CLDN14: variants seen among roughly 807,000 people sequenced by gnomAD.
CLDN14 encodes claudin-14.
CLDN14 carries 2 observed loss-of-function variants against 2.1 expected under a neutral mutation model. The ratio of observed to expected loss-of-function variants is 0.96; its 90% CI spans 0.39 to 3.01. CLDN14 has a LOEUF of 3.01. Ranked by LOEUF, CLDN14 falls within the 30% of genes most tolerant of loss-of-function variation. CLDN14 has a pLI of 0.09. For synonymous variants in CLDN14, 136 were observed against 154.4 expected (o/e 0.88, Z 0.88); for missense variants, 298 against 328.0 (o/e 0.91, Z 0.71).
chr21:36,461,309 G>T lies in CLDN14; in HGVS notation c.387C>A (p.Gly129=). The T allele has an allele frequency of 6.2e-7, 1 of 1,613,664 alleles. No individual in the cohort carries two copies. Among genetic ancestry groups the T allele is most frequent in the Non-Finnish European group, 8.5e-7 (1 of 1,180,002 alleles). The part of the protein sequence containing the change: ...ILGGTLFILA[G]LLCMVAVSWT... ...AGGAGACGGCCACCATGCACAGGAG[G>T]CCGGCCAGGATGAAGAGGGTGCCGC... is the stretch of plus-strand genomic sequence containing the variant. The change falls in exon 2 of 2, where the codon GGC becomes GGA. Residue 129 remains glycine, a synonymous_variant. Transcript: ENST00000399135.
upstream of CLDN14, chr21:36,480,933 G>C (rs2086839354): frequency 6.6e-6 from 1 of 152,222 alleles, no homozygotes; most frequent in African/African-American, 2.4e-5. Context: ...CCCTGGCAAT[G>C]GGACGGTGAA....
In CLDN14 at chr21:36,495,024, C is replaced by G. The variant is rs9974115; in HGVS notation, c.-82+15339G>C. 2.0e-5 allele frequency among the ~76,000 whole-genome samples: 3 copies of G among 152,126 alleles called. No individual in the cohort carries two copies. In the East Asian group the frequency reaches 5.8e-4, roughly 29 times the overall value. On this transcript the variant is annotated intron_variant, in intron 2 of 2. Transcript: ENST00000342108. ...TCCCTGGGTGGAGGAACAAATCCCC[C>G]CACACAGAAAGGGGAACCAGAGGCC...
chr21:36,509,315 A>C (rs1450029444), intron 2 of CLDN14, among the ~76,000 whole-genome samples: 1 of 152,230 alleles, frequency 6.6e-6, no homozygotes, highest in African/African-American at 2.4e-5. Flanking sequence ...AATGGAAAGC[A>C]GGAGTGGCTC....
At chr21:36,515,789 C>CTTTTTTTTTTTTTTT (rs1555850517) in intron 1 of CLDN14, among the ~76,000 whole-genome samples, 5 of 115,314 alleles carry the variant, frequency 4.3e-5, no homozygotes, top group African/African-American at 1.4e-4. Context: ...TTTATCTTCT[C>CTTTTTTTTTTTTTTT]TTTTTTTTTT....
chr21:36,548,831 A>T (rs1202531135), intron 1 of CLDN14, among the ~76,000 whole-genome samples: 2 of 152,158 alleles, frequency 1.3e-5, no homozygotes, highest in Non-Finnish European at 2.9e-5. Flanking sequence ...ACACTGACCC[A>T]TGAGAAAGGG....
At chr21:36,477,831 C>A (rs997570037) in intron 1 of CLDN14, among the ~76,000 whole-genome samples, 3 of 152,182 alleles carry the variant, frequency 2.0e-5, no homozygotes, top group Non-Finnish European at 4.4e-5. Context: ...TGTTGGTCAC[C>A]CGGTGAAAAG....
chr21:36,485,149 C>T (rs531969300), intron 2 of CLDN14, among the ~76,000 whole-genome samples: 2 of 151,592 alleles, frequency 1.3e-5, no homozygotes, highest in East Asian at 3.8e-4. Flanking sequence ...CACCCACTGA[C>T]AGCCATATGT....
chr21:36,477,833 G>A (rs886578378), intron 1 of CLDN14, among the ~76,000 whole-genome samples: 2 of 152,194 alleles, frequency 1.3e-5, no homozygotes, highest in Admixed American at 6.5e-5. Context: ...TTGGTCACCC[G>A]GTGAAAAGTC....
At chr21:36,554,747 A>C (rs1245908013) in intron 1 of CLDN14, among the ~76,000 whole-genome samples, 2 of 152,136 alleles carry the variant, frequency 1.3e-5, no homozygotes, top group African/African-American at 4.8e-5. Context: ...TGATAGTTAA[A>C]GTTCCCTGAG....
In CLDN14 at chr21:36,544,550, T is replaced by C. The variant is rs2087514336; in HGVS notation, c.-220+31861A>G. Among the ~76,000 whole-genome samples, 1 of 152,218 alleles carries C rather than the reference T, an allele frequency of 6.6e-6. No individual in the cohort carries two copies. Among genetic ancestry groups the C allele is most frequent in the Admixed American group, 6.5e-5 (1 of 15,278 alleles). The stretch of plus-strand genomic sequence containing the variant: ...TTGAGGCTGGGGAGAATTTGAATTT[T>C]CCTGTGCACTAACCACAGGCATCCC... On this transcript the variant is annotated intron_variant, in intron 1 of 2. Coordinates refer to the CLDN14 transcript ENST00000342108. This position sits in a 1 kb window ranked among gnomAD's most constrained non-coding sequence, Gnocchi z 4.1.
chr21:36,489,482 T>A (rs942533217), intron 2 of CLDN14, among the ~76,000 whole-genome samples: 6 of 152,138 alleles, frequency 3.9e-5, no homozygotes, highest in Non-Finnish European at 7.4e-5. Context: ...CTTCCTGCAG[T>A]GTCCTCTTCT....
At chr21:36,502,586 A>G (rs1256053714) in intron 2 of CLDN14, among the ~76,000 whole-genome samples, 1 of 152,252 alleles carries the variant, frequency 6.6e-6, no homozygotes, top group African/African-American at 2.4e-5. Context: ...CTTCATCAGC[A>G]TTCCTGATCT....
At chr21:36,504,404 T>C (rs2087114362) in intron 2 of CLDN14, among the ~76,000 whole-genome samples, 1 of 152,160 alleles carries the variant, frequency 6.6e-6, no homozygotes, top group African/African-American at 2.4e-5. Flanking sequence ...CCAACTGTTA[T>C]ACCATTAACT....
chr21:36,486,475 A>G (rs2086897387), intron 2 of CLDN14: 1 of 1,547,266 alleles, frequency 6.5e-7, no homozygotes. Context: ...CAGCACTGGG[A>G]TCTACTCCAA....
intron 1 of CLDN14, among the ~76,000 whole-genome samples, chr21:36,541,297 A>G (rs950304153): frequency 3.9e-5 from 6 of 152,240 alleles, no homozygotes; most frequent in African/African-American, 1.4e-4. Flanking sequence ...ATATTTTTAA[A>G]GATGATTTGA....
upstream of CLDN14, among the ~76,000 whole-genome samples, chr21:36,484,855 G>A (rs2086879281): frequency 6.6e-6 from 1 of 152,142 alleles, no homozygotes; most frequent in Non-Finnish European, 1.5e-5. Context: ...TGGGATTACA[G>A]GCATGCACCG....
At chr21:36,518,607 A>AAACAAACC (rs1357059319) in intron 1 of CLDN14, among the ~76,000 whole-genome samples, 1 of 152,024 alleles carries the variant, frequency 6.6e-6, no homozygotes, top group Non-Finnish European at 1.5e-5. Flanking sequence ...TCAAACAAAC[A>AAACAAACC]AACAAACAAA....
At chr21:36,550,585 G>C (rs416875) in intron 1 of CLDN14, among the ~76,000 whole-genome samples, 111,848 of 151,656 alleles carry the variant, frequency 0.74, 42,646 homozygotes, top group Non-Finnish European at 0.85. Context: ...GCATCAGCCC[G>C]GTTTCTAACC....
At chr21:36,549,810 CCTGGCCACATTCCTA>C (rs1323787697) in intron 1 of CLDN14, among the ~76,000 whole-genome samples, 4 of 152,238 alleles carry the variant, frequency 2.6e-5, no homozygotes, top group African/African-American at 9.6e-5. Context: ...GGGACCCTCC[CCTGGCCACATTCCTA>C]CTCGCAATCG....
Sources: gnomAD v4.1 joint callset for allele counts (sites outside exome capture counted in the v4.1 genomes callset) on GRCh38, gnomAD v4.1.1 for gene constraint, Gnocchi (gnomAD v3.1) non-coding constraint, MANE v1.5 for transcripts, NCBI Gene and HGNC (gene_info 2026-07-23, HGNC 2026-07-21) for gene names.